Variants in PIGN observed in about 807,000 individuals in gnomAD.
PIGN encodes GPI ethanolamine phosphate transferase 1.
A neutral mutation model predicts 125.4 loss-of-function variants in PIGN; 117 were observed. That is an observed-to-expected ratio of 0.93 (90% CI 0.80 to 1.09). The LOEUF is 1.09. PIGN is among the 50% of genes least tolerant of loss of function. The pLI, the probability that PIGN is intolerant of heterozygous loss-of-function variation, is 0.00. For synonymous variants in PIGN, 392 were observed against 377.8 expected (o/e 1.04, Z -0.44); for missense variants, 1,075 against 1,094.9 (o/e 0.98, Z 0.26).
intron 15 of PIGN, among the ~76,000 whole-genome samples, 152 bp downstream of exon 15, chr18:62,114,409 T>C (rs1488643962): frequency 6.6e-6 from 1 of 151,380 alleles, no homozygotes; most frequent in Non-Finnish European, 1.5e-5. Flanking sequence ...ATAAGAGAGA[T>C]CTGTCCACTG....
intron 24 of PIGN, among the ~76,000 whole-genome samples, chr18:62,089,838 C>T (rs903031161): frequency 1.3e-5 from 2 of 152,104 alleles, no homozygotes; most frequent in Admixed American, 6.5e-5. Flanking sequence ...TATTCTATCA[C>T]CAATTTCTCA....
At chr18:62,141,169 G>A (rs1456827070) in intron 11 of PIGN, among the ~76,000 whole-genome samples, 1 of 152,038 alleles carries the variant, frequency 6.6e-6, no homozygotes, top group Non-Finnish European at 1.5e-5. Flanking sequence ...TAATTTTTCA[G>A]GCAATAAAGT....
chr18:62,124,654 C>G (rs1421292440), intron 14 of PIGN, among the ~76,000 whole-genome samples: 1 of 152,168 alleles, frequency 6.6e-6, no homozygotes, highest in Non-Finnish European at 1.5e-5. Context: ...ATGGCCCCTG[C>G]CCATTCCTCT....
chr18:62,138,252 G>A lies in PIGN; in HGVS notation c.1163C>T (p.Thr388Ile), dbSNP rs1402544772. Residue 388 changes from threonine (T) to isoleucine (I), a missense_variant, in exon 14 of 31, where the codon ACA becomes ATA. Physicochemically the swap from Thr to Ile is moderately conservative, Grantham distance 89. Transcript: ENST00000640252. ...KKEVTLPFLF[T>I]PFKLLSDSKQ... ...AATGTAAGGGACTTACTTAAATGGT[G>A]TAAACAAAAATGGTAAAGTAACTTC... 6.5e-7 allele frequency: 1 copy of A among 1,547,470 alleles called. No individual in the cohort carries two copies.
At chr18:62,136,183 T>C (rs1317219453) in intron 14 of PIGN, 1 of 152,214 alleles carries the variant, frequency 6.6e-6, no homozygotes. Context: ...ATAAGAGATG[T>C]AAATAACATA....
chr18:62,138,491 A>G (rs560774093), intron 13 of PIGN, among the ~76,000 whole-genome samples, 193 bp from the exon 14 acceptor site: 1 of 152,320 alleles, frequency 6.6e-6, no homozygotes, highest in Non-Finnish European at 1.5e-5. Context: ...ATAAGCTGAG[A>G]ATTAAACATA....
At position 62,072,619 on chromosome 18, in the gene PIGN, A is replaced by T. The variant is rs2032944932; in HGVS notation, c.2672+54T>A. 3 of 1,365,044 alleles carry T rather than the reference A, an allele frequency of 2.2e-6. No individual in the cohort carries two copies. In the African/African-American group the frequency reaches 4.3e-5, roughly 20 times the overall value. The allele number at this position is 1,365,044 out of a possible 1,614,324, so 84.6% of individuals were successfully genotyped here. A position where few individuals can be genotyped will look rare whatever the true frequency, so the allele number is the denominator to read the frequency against. On this transcript the variant is annotated intron_variant, in intron 30 of 30. Transcript: ENST00000640252. ...CAGTGAAGAAATTGCCTAACAATAT[A>T]TTTCTCAGAACTTATCCCTGTTGTT...
At chr18:62,104,172 C>T (rs1287099452) in intron 20 of PIGN, among the ~76,000 whole-genome samples, 2 of 151,966 alleles carry the variant, frequency 1.3e-5, no homozygotes, top group African/African-American at 4.8e-5. Context: ...AGTCACTGAG[C>T]AATTTAAATT....
At chr18:62,117,371 T>A (rs756817218) in intron 14 of PIGN, among the ~76,000 whole-genome samples, 6 of 151,748 alleles carry the variant, frequency 4.0e-5, no homozygotes, top group Non-Finnish European at 7.4e-5. Context: ...TAAATGGGGG[T>A]TGGCAGAGGA....
chr18:62,122,463 G>A (rs1316180598), intron 14 of PIGN, among the ~76,000 whole-genome samples: 1 of 151,890 alleles, frequency 6.6e-6, no homozygotes, highest in Non-Finnish European at 1.5e-5. Flanking sequence ...CCCTCTTAAT[G>A]AATGCAAATG....
chr18:62,165,591 CATA>C (rs1309327113), intron 1 of PIGN, among the ~76,000 whole-genome samples: 81 of 152,156 alleles, frequency 5.3e-4, no homozygotes, highest in Non-Finnish European at 1.3e-4. Context: ...CTCGAGATGC[CATA>C]ATAAGGCAGA....
At chr18:62,058,246 T>A (rs983778065) in intron 30 of PIGN, among the ~76,000 whole-genome samples, 2 of 152,252 alleles carry the variant, frequency 1.3e-5, no homozygotes, top group Admixed American at 1.3e-4. Context: ...ACTTTGTTTG[T>A]TGTGGAATGT....
intron 28 of PIGN, among the ~76,000 whole-genome samples, chr18:62,081,588 T>C (rs2033450975): frequency 6.6e-6 from 1 of 152,142 alleles, no homozygotes; most frequent in Non-Finnish European, 1.5e-5. Flanking sequence ...TAAGAATACA[T>C]ACACACATAC....
At chr18:62,141,907 T>A (rs2036150523) in intron 11 of PIGN, among the ~76,000 whole-genome samples, 1 of 152,162 alleles carries the variant, frequency 6.6e-6, no homozygotes, top group African/African-American at 2.4e-5. Context: ...CACCAGAACT[T>A]AGTGTACACA....
rs1196417917 is a variant in PIGN at position 62,044,659 on chromosome 18, G to A, written c.*1197C>T. On this transcript the variant is annotated 3_prime_UTR_variant, in exon 31 of 31. Coordinates refer to ENST00000640252, the MANE Select transcript of PIGN (RefSeq NM_176787.5). ...GTATTTATTCACTCCCCACCAATTT[G>A]AAAAATCTTGTAAATTACAGAGGGT... 3 of 152,104 alleles carry A rather than the reference G, an allele frequency of 2.0e-5. No individual in the cohort carries two copies. Among genetic ancestry groups the A allele is most frequent in the African/African-American group, 7.2e-5 (3 of 41,424 alleles). 9.4% of individuals were successfully genotyped at this position (152,104 alleles called of 1,614,324 possible).
At chr18:62,107,566 C>T (rs1186554369) in intron 17 of PIGN, 3 of 151,832 alleles carry the variant, frequency 2.0e-5, no homozygotes, top group South Asian at 4.1e-4. Context: ...GCACTCCAGC[C>T]CGGACAACAA....
chr18:62,131,497 G>A (rs2035736294), intron 14 of PIGN, among the ~76,000 whole-genome samples: 2 of 151,978 alleles, frequency 1.3e-5, no homozygotes, highest in African/African-American at 4.8e-5. Context: ...TGGTCATGTA[G>A]CTCCACCTGC....
At chr18:62,018,933 G>T (rs1183894837) in intron 23 of PIGN, among the ~76,000 whole-genome samples, 1 of 152,148 alleles carries the variant, frequency 6.6e-6, no homozygotes, top group Admixed American at 6.5e-5. Context: ...AAAAGCATTG[G>T]AGGCTGGGCA....
At chr18:62,148,467 C>A in intron 7 of PIGN, 129 bp from the exon 8 acceptor site, 1 of 531,536 alleles carries the variant, frequency 1.9e-6, no homozygotes, top group East Asian at 4.5e-5. Context: ...AATCTGTGCT[C>A]AAGACCTACC....
Sources: allele counts gnomAD v4.1 joint callset (sites outside exome capture counted in the v4.1 genomes callset), GRCh38; gene constraint gnomAD v4.1.1; transcripts MANE v1.5; gene names NCBI Gene and HGNC (gene_info 2026-07-23, HGNC 2026-07-21).